GET4: variants seen among roughly 807,000 people sequenced by gnomAD.
GET4 encodes the protein Golgi to ER traffic protein 4 homolog.
A neutral mutation model predicts 40.0 loss-of-function variants in GET4; 20 were observed. The ratio of observed to expected loss-of-function variants is 0.50; its 90% confidence interval spans 0.35 to 0.73. The LOEUF (loss-of-function observed/expected upper bound fraction) is 0.73, where lower values mean the gene tolerates loss of function less well. Among genes scored for constraint, GET4 ranks in the 30% least tolerant of loss-of-function variants. The pLI is 0.01. For synonymous variants in GET4, 280 were observed against 194.6 expected, an observed-to-expected ratio of 1.44 and a Z score of -3.65; for missense variants, 557 against 454.0, an observed-to-expected ratio of 1.23 and a Z score of -2.06.
intron 1 of GET4, among the ~76,000 whole-genome samples, chr7:877,211 C>G (rs920406209): frequency 6.7e-6 from 1 of 150,334 alleles, no homozygotes; most frequent in Non-Finnish European, 1.5e-5. Context: ...CGCTCTCTCT[C>G]TCTCTCTCTC....
chr7:891,191 A>T, intron 5 of GET4, 125 bp downstream of exon 5: 2 of 688,314 alleles, frequency 2.9e-6, no homozygotes, highest in Non-Finnish European at 4.9e-6. Context: ...CTCTGGGCAG[A>T]GCCCACAGTG....
In GET4 at chr7:893,790, T is replaced by A. The variant is rs755662174; in HGVS notation, c.797T>A (p.Leu266His). The A allele has an allele frequency of 3.1e-6, 5 of 1,611,574 alleles. No individual in the cohort carries two copies. The Admixed American group carries it at 6.7e-5, about 22-fold the overall frequency. The part of the protein sequence containing the change: ...TVLCEQYQPS[L>H]RRDPMYNEYL... ...CTGTGTGAGCAGTACCAGCCATCCC[T>A]CCGGCGGGACCCCATGTACAACGAG... is the stretch of plus-strand genomic sequence containing the variant. The change falls in exon 7 of 9, where the codon CTC (leucine) becomes CAC (histidine). Residue 266 changes from leucine (L) to histidine (H), a missense_variant. Transcript: ENST00000265857.
chr7:879,345 G>T (rs1199168095), intron 1 of GET4, among the ~76,000 whole-genome samples: 1 of 152,260 alleles, frequency 6.6e-6, no homozygotes, highest in Admixed American at 6.5e-5. Context: ...CCCCAGCCAC[G>T]GAGTGGATGC....
intron 8 of GET4, among the ~76,000 whole-genome samples, chr7:894,358 G>A (rs913149134): frequency 3.9e-5 from 6 of 152,156 alleles, no homozygotes; most frequent in African/African-American, 9.7e-5. Context: ...CTTTGGGGTC[G>A]CGGCGGGGCG....
At chr7:887,849 C>T (rs2128628187) in intron 4 of GET4, among the ~76,000 whole-genome samples, 1 of 152,326 alleles carries the variant, frequency 6.6e-6, no homozygotes, top group African/African-American at 2.4e-5. Context: ...TGGGATGGTG[C>T]TGTGCCCTGT....
rs1344455774 is a variant in GET4 at position 876,622 on chromosome 7, A to T, written c.-24A>T. ...TGCCGACCGCGCCTGCGACAGCGTC[A>T]GCCCTGCGCGGAGCGCCGGCCCGAT... On this transcript the variant is annotated 5_prime_UTR_variant, in exon 1 of 9. Transcript: ENST00000265857. 4 of 1,200,546 alleles carry T rather than the reference A, an allele frequency of 3.3e-6. No homozygotes were observed. Among genetic ancestry groups the T allele is most frequent in the Non-Finnish European group, 4.2e-6 (4 of 963,698 alleles). 74.4% of individuals were successfully genotyped at this position (1,200,546 alleles called of 1,614,324 possible). A position where few individuals can be genotyped will look rare whatever the true frequency, so the allele number is the denominator to read the frequency against.
chr7:886,193 GGAAT>G, intron 2 of GET4, 59 bp downstream of exon 2: 1 of 1,098,850 alleles, frequency 9.1e-7, no homozygotes, highest in Non-Finnish European at 1.4e-6. Context: ...AGTGGAGGTG[GGAAT>G]GACCTCCCAC....
chr7:894,363 G>A (rs552035304), intron 8 of GET4, among the ~76,000 whole-genome samples: 8 of 152,296 alleles, frequency 5.3e-5, no homozygotes, highest in Admixed American at 2.0e-4. Flanking sequence ...GGGTCGCGGC[G>A]GGGCGGGTGT....
At chr7:884,369 G>A (rs908815526) in intron 1 of GET4, 1 of 1,302,148 alleles carries the variant, frequency 7.7e-7, no homozygotes, top group Non-Finnish European at 1.0e-6. Context: ...CAGTGGTCCT[G>A]TCGAGGCTCC....
At chr7:881,610 A>AC (rs1844088614) in intron 1 of GET4, 1 of 152,108 alleles carries the variant, frequency 6.6e-6, no homozygotes, top group Non-Finnish European at 1.5e-5. Flanking sequence ...TTGTTGACTT[A>AC]TTTTTAAATA....
chr7:877,410 C>A (rs547613132), intron 1 of GET4, among the ~76,000 whole-genome samples: 1 of 118,434 alleles, frequency 8.4e-6, no homozygotes. Context: ...CTCCGTCTCT[C>A]TCTCCCCGGC....
chr7:884,188 T>C (rs1403282525), intron 1 of GET4: 1 of 1,299,588 alleles, frequency 7.7e-7, no homozygotes, highest in Admixed American at 2.3e-5. Flanking sequence ...GTGTGGTGCT[T>C]GCTCAGGGTC....
intron 4 of GET4, among the ~76,000 whole-genome samples, chr7:889,016 C>T (rs1844253054): frequency 6.6e-6 from 1 of 152,252 alleles, no homozygotes; most frequent in African/African-American, 2.4e-5. Flanking sequence ...CAGGTGATGC[C>T]CATGCCCAGT....
intron 6 of GET4, 127 bp from the exon 7 acceptor site, chr7:893,613 A>T (rs1400262556): frequency 1.0e-5 from 6 of 593,148 alleles, no homozygotes; most frequent in Non-Finnish European, 1.8e-5. Flanking sequence ...CGGTGTGTGC[A>T]GGTGAGTGTT....
At chr7:894,102 TTAC>T in intron 8 of GET4, 131 bp downstream of exon 8, 1 of 589,824 alleles carries the variant, frequency 1.7e-6, no homozygotes, top group South Asian at 2.4e-5. Context: ...GTTTCTCAGT[TTAC>T]TTTTGTTAGT....
intron 1 of GET4, 90 bp downstream of exon 1, chr7:876,890 C>A: frequency 1.5e-6 from 1 of 685,110 alleles, no homozygotes. Context: ...CCCATTGGGC[C>A]GCGCCGCTGC....
rs369193824 is a variant in GET4 at position 886,079 on chromosome 7, C to A, written c.179C>A (p.Thr60Lys). 6.2e-6 allele frequency: 10 copies of A among 1,608,800 alleles called. No individual in the cohort carries two copies. The highest frequency in any genetic ancestry group is 5.9e-6 in the Non-Finnish European group (7 of 1,176,718). ...AGGTACATGTCCCAGAGCAAGCACA[C>A]GGAGGCCCGGGAGCTCATGTACTCG... ...FFRYMSQSKH[T>K]EARELMYSGA... is the part of the protein sequence containing the mutation. Residue 60 changes from threonine to lysine, a missense_variant, in exon 2 of 9, where the codon ACG becomes AAG. Transcript: ENST00000265857.
At chr7:887,002 C>A in intron 3 of GET4, 1 of 517,072 alleles carries the variant, frequency 1.9e-6, no homozygotes, top group Admixed American at 2.7e-5. Context: ...GTTGGCAGAG[C>A]CCTTCTGTGA....
chr7:890,822 C>T (rs1009077352), intron 4 of GET4, 106 bp from the exon 5 acceptor site: 11 of 908,192 alleles, frequency 1.2e-5, no homozygotes, highest in East Asian at 5.0e-5. Flanking sequence ...GGCTCTCCTC[C>T]AGGGCGGGCA....
Sources: allele counts gnomAD v4.1 joint callset (sites outside exome capture counted in the v4.1 genomes callset), GRCh38; gene constraint gnomAD v4.1.1; transcripts MANE v1.5; gene names NCBI Gene and HGNC (gene_info 2026-07-23, HGNC 2026-07-21).